CADPS2: variants seen among roughly 807,000 people sequenced by gnomAD.
CADPS2 encodes calcium-dependent secretion activator 2.
CADPS2 carries 93 observed loss-of-function variants against 172.5 expected under a neutral mutation model. The observed-to-expected ratio is 0.54, with a 90% CI of 0.46 to 0.64. CADPS2 has a LOEUF of 0.64. CADPS2 is among the 30% of genes least tolerant of loss of function. The pLI is 0.00. For synonymous variants in CADPS2, 546 were observed against 555.2 expected, an observed-to-expected ratio of 0.98 and a Z score of 0.23; for missense variants, 1,420 against 1,565.9, an observed-to-expected ratio of 0.91 and a Z score of 1.57.
intron 2 of CADPS2, among the ~76,000 whole-genome samples, chr7:122,678,807 T>C (rs1425531822): frequency 6.6e-6 from 1 of 152,170 alleles, no homozygotes; most frequent in African/African-American, 2.4e-5. Context: ...AAATTATGCC[T>C]ACATTTTAGC....
chr7:122,488,135 C>G (rs796153110), intron 11 of CADPS2, among the ~76,000 whole-genome samples: 4 of 151,900 alleles, frequency 2.6e-5, no homozygotes, highest in South Asian at 4.2e-4. Context: ...TTTTCAACAA[C>G]AAGAATCAAA....
chr7:122,325,432 C>G, intron 29 of CADPS2, 45 bp downstream of exon 29: 6 of 1,256,542 alleles, frequency 4.8e-6, no homozygotes, highest in Non-Finnish European at 6.9e-6. Context: ...GCCATTATTC[C>G]TTATAGCTTA....
At chr7:122,541,941 ATATC>A (rs1290011165) in intron 8 of CADPS2, among the ~76,000 whole-genome samples, 4 of 146,222 alleles carry the variant, frequency 2.7e-5, no homozygotes, top group South Asian at 4.2e-4. Flanking sequence ...CAACAGAAGA[ATATC>A]TAAAAGTTAC....
chr7:122,468,635 C>A (rs550502710), intron 14 of CADPS2, among the ~76,000 whole-genome samples: 1 of 152,172 alleles, frequency 6.6e-6, no homozygotes, highest in East Asian at 1.9e-4. Context: ...TTAGTATTTG[C>A]CCCTTTTATG....
At chr7:122,656,787 T>G (rs1009459164) in intron 3 of CADPS2, among the ~76,000 whole-genome samples, 2 of 152,182 alleles carry the variant, frequency 1.3e-5, no homozygotes, top group Non-Finnish European at 2.9e-5. Context: ...GTTTCTCTTT[T>G]GCTGTGCAGA....
intron 3 of CADPS2, among the ~76,000 whole-genome samples, chr7:122,659,245 A>G (rs551516897): frequency 6.6e-6 from 1 of 151,916 alleles, no homozygotes; most frequent in Admixed American, 6.6e-5. Flanking sequence ...GAAAACATGC[A>G]AAAACAATGC....
At chr7:122,496,156 T>A (rs1357337816) in intron 9 of CADPS2, among the ~76,000 whole-genome samples, 1 of 152,088 alleles carries the variant, frequency 6.6e-6, no homozygotes, top group Non-Finnish European at 1.5e-5. Context: ...GATATTTATC[T>A]CTTTATTTAT....
rs960334528 is a variant in CADPS2, at chr7:122,599,606, C to T, written c.1223+15575G>A. 2.6e-5 allele frequency among the ~76,000 whole-genome samples: 4 copies of T among 151,874 alleles called. No homozygotes were observed. The East Asian group carries it at 7.8e-4, about 30-fold the overall frequency. The stretch of plus-strand genomic sequence containing the variant: ...GTAAGGTATCCATGTGAAGATATCC[C>T]CGGAAGAGAAGGCTGCCTAGTGTTA... On this transcript the variant is annotated intron_variant, in intron 6 of 29. Coordinates refer to ENST00000449022, the MANE Select transcript of CADPS2 (RefSeq NM_017954.11).
intron 1 of CADPS2, among the ~76,000 whole-genome samples, chr7:122,842,144 C>T (rs1249400633): frequency 6.6e-6 from 1 of 152,150 alleles, no homozygotes; most frequent in Non-Finnish European, 1.5e-5. Context: ...AGGAACACGG[C>T]CCACTTCAGA....
chr7:122,441,428 G>A (rs999084371), intron 16 of CADPS2, 84 bp downstream of exon 16: 37 of 787,010 alleles, frequency 4.7e-5, no homozygotes, highest in South Asian at 1.4e-4. Context: ...ATAGAATAAC[G>A]GGGTCTGTCT....
chr7:122,415,092 C>CTCTTTAGTGAGTGTTAATATGTAATTAGA, intron 18 of CADPS2, among the ~76,000 whole-genome samples: 1 of 152,268 alleles, frequency 6.6e-6, no homozygotes, highest in Non-Finnish European at 1.5e-5. Context: ...TGAAAAGCCA[C>CTCTTTAGTGAGTGTTAATATGTAATTAGA]TCTAGATCTT....
chr7:122,491,714 G>A (rs1395852135), intron 9 of CADPS2, among the ~76,000 whole-genome samples: 4 of 152,022 alleles, frequency 2.6e-5, no homozygotes, highest in Admixed American at 6.6e-5. Flanking sequence ...ATGTTGATAC[G>A]TTTGGGATCA....
Position 122,444,942 on chromosome 7 carries a change from A to T in CADPS2, c.2289-3367T>A, listed in dbSNP as rs534019666. 1.3e-3 allele frequency among the ~76,000 whole-genome samples: 191 copies of T among 152,268 alleles called. 1 individual carries two copies. Among genetic ancestry groups the T allele is most frequent in the African/African-American group, 4.3e-3 (179 of 41,564 alleles). ...TGAGTTAACTTTTGTATTATGGGTGAGGTATGAATTGAGGTCAATAGTTTG... is the reference window on the plus strand; with the variant it reads ...TGAGTTAACTTTTGTATTATGGGTGTGGTATGAATTGAGGTCAATAGTTTG... On this transcript the variant is annotated intron_variant, in intron 15 of 29. Transcript: ENST00000449022.
rs983571088 is a variant in CADPS2, at chr7:122,735,391, T to A, written c.453+1564A>T. ...GATCACTAAATTTGTGCACTTTTTTTATTCATATATGGTGCCCAGAAGAGA... is the reference window on the plus strand; with the variant it reads ...GATCACTAAATTTGTGCACTTTTTTAATTCATATATGGTGCCCAGAAGAGA... On this transcript the variant is annotated intron_variant, in intron 2 of 29. Transcript: ENST00000449022. Among the ~76,000 whole-genome samples, 5 of 152,130 alleles carry A rather than the reference T, an allele frequency of 3.3e-5. No homozygotes were observed. The South Asian group carries it at 8.3e-4, about 25-fold the overall frequency.
intron 1 of CADPS2, among the ~76,000 whole-genome samples, chr7:122,846,630 A>G (rs1812055136): frequency 6.6e-6 from 1 of 152,232 alleles, no homozygotes; most frequent in South Asian, 2.1e-4. Context: ...ATAGGAGCCA[A>G]TAATTTTAAG....
intron 29 of CADPS2, among the ~76,000 whole-genome samples, chr7:122,323,556 T>C (rs2033070801): frequency 6.6e-6 from 1 of 152,030 alleles, no homozygotes; most frequent in Admixed American, 6.5e-5. Context: ...TTTTAAATTA[T>C]ACCTCAATAA....
At chr7:122,493,722 T>G (rs78273783) in intron 9 of CADPS2, among the ~76,000 whole-genome samples, 2 of 48,194 alleles carry the variant, frequency 4.1e-5, no homozygotes, top group Non-Finnish European at 7.9e-5. Flanking sequence ...TGTTTAATCT[T>G]TTTTTTTTTT....
chr7:122,351,693 G>A (rs2038674144), intron 27 of CADPS2, among the ~76,000 whole-genome samples: 1 of 152,022 alleles, frequency 6.6e-6, no homozygotes, highest in African/African-American at 2.4e-5. Flanking sequence ...TCCTCTGTCT[G>A]TTACTTGAGT....
At chr7:122,720,578 A>G (rs2090259329) in intron 2 of CADPS2, among the ~76,000 whole-genome samples, 1 of 150,506 alleles carries the variant, frequency 6.6e-6, no homozygotes, top group Non-Finnish European at 1.5e-5. Flanking sequence ...ATATACATAC[A>G]CATGTATATG....
Sources: gnomAD v4.1 joint callset for allele counts (sites outside exome capture counted in the v4.1 genomes callset) on GRCh38, gnomAD v4.1.1 for gene constraint, MANE v1.5 for transcripts, NCBI Gene and HGNC (gene_info 2026-07-23, HGNC 2026-07-21) for gene names.